The following GIGYF2 variants were observed in gnomAD, a reference collection of about 807,000 sequenced individuals.
GIGYF2 encodes the protein GRB10-interacting GYF protein 2.
Under a neutral mutation model 208.1 loss-of-function variants are expected in GIGYF2, and 25 were observed. The observed-to-expected ratio is 0.12, with a 90% CI of 0.09 to 0.17. The LOEUF (loss-of-function observed/expected upper bound fraction) is 0.17, where lower values mean the gene tolerates loss of function less well. GIGYF2 is among the 10% of genes least tolerant of loss of function. GIGYF2 has a pLI of 1.00. For synonymous variants in GIGYF2, 534 were observed against 543.8 expected, an observed-to-expected ratio of 0.98 and a Z score of 0.25; for missense variants, 1,302 against 1,579.4, an observed-to-expected ratio of 0.82 and a Z score of 2.98.
At chr2:232,778,453 A>G (rs769383106) in intron 8 of GIGYF2, among the ~76,000 whole-genome samples, 21 of 152,212 alleles carry the variant, frequency 1.4e-4, no homozygotes, top group Non-Finnish European at 2.5e-4. Context: ...ACTGCTGTGA[A>G]TATTGTAGAC....
chr2:232,829,703 C>T (rs114104209), intron 21 of GIGYF2, among the ~76,000 whole-genome samples: 1,993 of 152,238 alleles, frequency 0.013, 34 homozygotes, highest in African/African-American at 0.045. Context: ...TGATGGTCCC[C>T]CTTCCAAATT....
chr2:232,830,305 G>A (rs74449015), intron 21 of GIGYF2, among the ~76,000 whole-genome samples: 86 of 151,944 alleles, frequency 5.7e-4, no homozygotes, highest in Non-Finnish European at 9.1e-4. Flanking sequence ...TCTTTTTTTC[G>A]TTTTTAGTTC....
At chr2:232,851,656 G>A (rs940516398) in intron 28 of GIGYF2, among the ~76,000 whole-genome samples, 3 of 152,180 alleles carry the variant, frequency 2.0e-5, no homozygotes, top group Admixed American at 6.5e-5. Flanking sequence ...CTGACTTCAG[G>A]TGATCTTCTT....
intron 24 of GIGYF2, 55 bp from the exon 25 acceptor site, chr2:232,844,311 GTCT>G (rs1701926810): frequency 1.3e-5 from 21 of 1,612,576 alleles, no homozygotes; most frequent in Admixed American, 8.3e-5. Context: ...TTTTCTGACT[GTCT>G]TCTTATCTTT....
At chr2:232,815,979 A>G (rs143290003) in intron 19 of GIGYF2, 12 of 489,996 alleles carry the variant, frequency 2.4e-5, no homozygotes, top group African/African-American at 2.3e-4. Context: ...GATTATAGAC[A>G]CATATATATT....
At chr2:232,835,797 G>A (rs949290123) in intron 22 of GIGYF2, among the ~76,000 whole-genome samples, 1 of 152,014 alleles carries the variant, frequency 6.6e-6, no homozygotes, top group African/African-American at 2.4e-5. Context: ...CTCTTTGATT[G>A]TCTTTTCCAC....
intron 1 of GIGYF2, among the ~76,000 whole-genome samples, chr2:232,702,162 G>T (rs1393678016): frequency 3.9e-5 from 6 of 152,100 alleles, no homozygotes; most frequent in African/African-American, 1.4e-4. Context: ...TAACTGGCCG[G>T]GTGCAGTGGC....
chr2:232,801,050 C>T (rs1325475948), intron 14 of GIGYF2, among the ~76,000 whole-genome samples: 1 of 152,030 alleles, frequency 6.6e-6, no homozygotes, highest in Admixed American at 6.6e-5. Context: ...GCCAAGAGAT[C>T]CCACCCCATC....
At chr2:232,853,682 C>A (rs1277302487) in intron 28 of GIGYF2, among the ~76,000 whole-genome samples, 1 of 152,220 alleles carries the variant, frequency 6.6e-6, no homozygotes, top group Non-Finnish European at 1.5e-5. Context: ...CTTGTAAGAA[C>A]AACCTCACAA....
In GIGYF2 at chr2:232,858,206, G is replaced by A. The variant is rs550328410; in HGVS notation, c.*1346G>A. 9.4e-5 allele frequency: 28 copies of A among 297,078 alleles called. No homozygotes were observed. The highest frequency in any genetic ancestry group is 5.2e-4 in the African/African-American group (23 of 44,656). The allele number at this position is 297,078 out of a possible 1,614,324, so 18.4% of individuals were successfully genotyped here. ...AGTCATTGGGCAGCTGTGCCTGTGCGAGAGGTGCTGTGGTCTGGGCAGCCC... is the reference window on the plus strand; with the variant it reads ...AGTCATTGGGCAGCTGTGCCTGTGCAAGAGGTGCTGTGGTCTGGGCAGCCC... On this transcript the variant is annotated 3_prime_UTR_variant, in exon 29 of 29. Coordinates refer to ENST00000373563, the MANE Select transcript of GIGYF2 (RefSeq NM_001103146.3).
At chr2:232,729,463 GT>G (rs368864008) in intron 2 of GIGYF2, 15,683 of 720,924 alleles carry the variant, frequency 0.022, 171 homozygotes, top group African/African-American at 0.086. Flanking sequence ...TTATTTTTAG[GT>G]TTTTTTTTTT....
Position 232,768,493 on chromosome 2 carries a change from T to G in GIGYF2, c.532+7057T>G, listed in dbSNP as rs772086040. On this transcript the variant is annotated intron_variant, in intron 8 of 28. Transcript: ENST00000373563. ...ACAACTAATTCAAAGTGAGAAGGAT[T>G]TTCATGCTGGAGCAGAGTAGCCAGA... 3.7e-6 allele frequency: 6 copies of G among 1,614,038 alleles called. No individual in the cohort carries two copies. In the Admixed American group the frequency reaches 8.3e-5, roughly 22 times the overall value.
At chr2:232,787,816 A>T (rs982208301) in intron 9 of GIGYF2, among the ~76,000 whole-genome samples, 5 of 152,234 alleles carry the variant, frequency 3.3e-5, no homozygotes, top group Non-Finnish European at 7.3e-5. Context: ...CAGAAACATA[A>T]TCACAAGTTC....
intron 23 of GIGYF2, among the ~76,000 whole-genome samples, chr2:232,843,289 G>T (rs1232229167): frequency 6.6e-6 from 1 of 151,996 alleles, no homozygotes; most frequent in African/African-American, 2.4e-5. Context: ...GCCAGGCTCG[G>T]TGGCTCACTC....
At chr2:232,791,900 ATC>A (rs1700079051) in intron 12 of GIGYF2, among the ~76,000 whole-genome samples, 1 of 152,220 alleles carries the variant, frequency 6.6e-6, no homozygotes, top group South Asian at 2.1e-4. Flanking sequence ...CTTAAAACAT[ATC>A]TCTTTCAGTT....
intron 2 of GIGYF2, among the ~76,000 whole-genome samples, chr2:232,727,971 A>G (rs1697285184): frequency 1.3e-5 from 2 of 152,164 alleles, no homozygotes; most frequent in Non-Finnish European, 2.9e-5. Flanking sequence ...AATACCCGCA[A>G]CATTGAGTCC....
intron 18 of GIGYF2, among the ~76,000 whole-genome samples, chr2:232,814,038 C>T (rs1474893564): frequency 1.3e-5 from 2 of 151,632 alleles, no homozygotes; most frequent in South Asian, 4.2e-4. Context: ...CAGGCACCCA[C>T]CACCACGCTT....
intron 22 of GIGYF2, among the ~76,000 whole-genome samples, chr2:232,837,619 TA>T (rs1354918180): frequency 2.0e-5 from 3 of 151,926 alleles, no homozygotes; most frequent in African/African-American, 7.3e-5. Context: ...CACACCCAGC[TA>T]CTTTTTTTTT....
chr2:232,735,952 A>T, intron 3 of GIGYF2: 1 of 984,166 alleles, frequency 1.0e-6, no homozygotes, highest in Non-Finnish European at 1.2e-6. Context: ...GTAATATCAG[A>T]AGTAGTATCT....
Sources: allele counts gnomAD v4.1 joint callset (sites outside exome capture counted in the v4.1 genomes callset), GRCh38; gene constraint gnomAD v4.1.1; transcripts MANE v1.5; gene names NCBI Gene and HGNC (gene_info 2026-07-23, HGNC 2026-07-21).